FSD1: variants seen among roughly 807,000 people sequenced by gnomAD.
FSD1 encodes fibronectin type III and SPRY domain containing 1.
Under a neutral mutation model 58.2 loss-of-function variants are expected in FSD1, and 23 were observed. The observed-to-expected ratio is 0.40, with a 90% confidence interval of 0.28 to 0.56. The LOEUF (loss-of-function observed/expected upper bound fraction) is 0.56. FSD1 is among the 20% of genes least tolerant of loss of function. The probability of loss-of-function intolerance (pLI) is 0.54; values close to 1 mark genes in which losing one functional copy is unlikely to be tolerated. For missense variants in FSD1, 563 were observed against 670.8 expected (o/e 0.84, Z 1.78); for synonymous variants, 265 against 263.4 (o/e 1.01, Z -0.06).
intron 7 of FSD1, among the ~76,000 whole-genome samples, chr19:4,312,645 A>T (rs1971706772): frequency 6.6e-6 from 1 of 151,844 alleles, no homozygotes; most frequent in Non-Finnish European, 1.5e-5. Flanking sequence ...CTACTAAAAA[A>T]ATACAAAAAA....
intron 7 of FSD1, among the ~76,000 whole-genome samples, chr19:4,313,443 G>T (rs1204157473): frequency 7.3e-6 from 1 of 137,688 alleles, no homozygotes; most frequent in Non-Finnish European, 1.6e-5. Context: ...TCCTGGGCCG[G>T]GCGTGGTGGC....
intron 3 of FSD1, among the ~76,000 whole-genome samples, chr19:4,307,048 G>A (rs1390873731): frequency 1.3e-5 from 2 of 151,530 alleles, no homozygotes; most frequent in Admixed American, 1.3e-4. Context: ...GCCTAGGCAT[G>A]TGAGTTTTTG....
intron 4 of FSD1, among the ~76,000 whole-genome samples, chr19:4,309,541 G>C (rs1172482642): frequency 6.6e-6 from 1 of 152,162 alleles, no homozygotes; most frequent in African/African-American, 2.4e-5. Context: ...CAGAAGTGCA[G>C]GGACACTTTG....
chr19:4,311,749 G>A (rs984143888), intron 6 of FSD1, 93 bp from the exon 7 acceptor site: 2 of 1,155,296 alleles, frequency 1.7e-6, no homozygotes, highest in African/African-American at 1.5e-5. Context: ...CCCCAAAATT[G>A]TCCAACATGT....
At chr19:4,317,044 C>T (rs1230111616) in intron 7 of FSD1, 138 bp from the exon 8 acceptor site, 9 of 605,892 alleles carry the variant, frequency 1.5e-5, no homozygotes, top group Middle Eastern at 2.7e-4. Flanking sequence ...TGAGCCAGTG[C>T]GCCCGGCTGG....
chr19:4,304,715 C>G lies in FSD1; in HGVS notation c.-32C>G, dbSNP rs1455417025. On this transcript the variant is annotated 5_prime_UTR_variant, in exon 1 of 13. Coordinates refer to ENST00000221856, the MANE Select transcript of FSD1 (RefSeq NM_024333.3). ...GGGGACCCAGCGTGCGCGGGGCCCG[C>G]GGGCCGGGCCGGGGTGACCTGGGCT... The G allele has an allele frequency of 3.1e-6, 3 of 971,518 alleles. No homozygotes were observed. The highest frequency in any genetic ancestry group is 4.0e-5 in the African/African-American group (2 of 50,292). The allele number at this position is 971,518 out of a possible 1,614,324, so 60.2% of individuals were successfully genotyped here.
chr19:4,318,215 T>G (rs1046707218), intron 8 of FSD1, 131 bp from the exon 9 acceptor site: 1 of 1,166,296 alleles, frequency 8.6e-7, no homozygotes, highest in African/African-American at 1.5e-5. Flanking sequence ...TGTCTTGGAC[T>G]CTTATCTCCT....
At chr19:4,315,094 G>A (rs1425347223) in intron 7 of FSD1, among the ~76,000 whole-genome samples, 2 of 151,944 alleles carry the variant, frequency 1.3e-5, no homozygotes, top group Non-Finnish European at 2.9e-5. Context: ...AGATGGGAGG[G>A]TTTGGGTTAT....
chr19:4,310,726 CTG>C lies in FSD1; in HGVS notation c.490+131_490+132del. 1.1e-5 allele frequency: 12 copies of C among 1,082,166 alleles called. No homozygotes were observed. In the South Asian group the frequency reaches 1.7e-4, roughly 15 times the overall value. The allele number at this position is 1,082,166 out of a possible 1,614,324, so 67.0% of individuals were successfully genotyped here. On this transcript the variant is annotated intron_variant, in intron 6 of 12. Coordinates refer to ENST00000221856, the MANE Select transcript of FSD1 (RefSeq NM_024333.3). ...AATTCCGCCTGGGGGAGGTGGAGCT[CTG>C]AGAATTCCACGCCCTGTGGGGGGTG... is the stretch of plus-strand genomic sequence containing the variant.
In FSD1 at chr19:4,323,829, A is replaced by C; in HGVS notation, c.*186A>C. 1 of 614,282 alleles carries C rather than the reference A, an allele frequency of 1.6e-6. No homozygotes were observed. Among genetic ancestry groups the C allele is most frequent in the East Asian group, 2.7e-5 (1 of 36,390 alleles). The allele number at this position is 614,282 out of a possible 1,614,324, so 38.1% of individuals were successfully genotyped here. The stretch of plus-strand genomic sequence containing the variant: ...CACCTCACCTCTTAATAAAGGTCAG[A>C]CACTGGCCAGGCGAGGCCGCGGTGC... On this transcript the variant is annotated 3_prime_UTR_variant, in exon 13 of 13. Transcript: ENST00000221856. The surrounding 1 kb of genome is among the most constrained non-coding windows in gnomAD (Gnocchi z 7.7).
At chr19:4,312,741 C>G (rs563919720) in intron 7 of FSD1, among the ~76,000 whole-genome samples, 114 of 150,804 alleles carry the variant, frequency 7.6e-4, no homozygotes, top group Non-Finnish European at 1.0e-3. Flanking sequence ...GGAGGCGGAG[C>G]TTGCAGTGAG....
chr19:4,319,099 C>G (rs1342104763), intron 10 of FSD1, 148 bp downstream of exon 10: 2 of 658,872 alleles, frequency 3.0e-6, no homozygotes, highest in Non-Finnish European at 5.5e-6. Flanking sequence ...TGGCACTGCC[C>G]AAATGGAAAT....
At chr19:4,321,928 G>A (rs73919833) in intron 10 of FSD1, among the ~76,000 whole-genome samples, 3,946 of 151,422 alleles carry the variant, frequency 0.026, 117 homozygotes, top group African/African-American at 0.078. Context: ...AATATCTGGG[G>A]GGAATAGCTG....
intron 9 of FSD1, 87 bp downstream of exon 9, chr19:4,318,592 G>T (rs1311548928): frequency 1.6e-6 from 2 of 1,254,294 alleles, no homozygotes; most frequent in African/African-American, 1.5e-5. Flanking sequence ...CAGAGTTGGG[G>T]TGGAGAGGGG....
intron 8 of FSD1, 35 bp downstream of exon 8, chr19:4,317,315 C>A: frequency 8.1e-7 from 1 of 1,231,240 alleles, no homozygotes; most frequent in South Asian, 1.2e-5. Flanking sequence ...ACCCCTAACT[C>A]CATGGCCCCT....
intron 6 of FSD1, chr19:4,310,799 C>T: frequency 1.8e-6 from 1 of 557,324 alleles, no homozygotes; most frequent in Non-Finnish European, 3.2e-6. Flanking sequence ...TGGGAAGACC[C>T]CACCCACTGT....
chr19:4,317,150 C>A, intron 7 of FSD1, 32 bp from the exon 8 acceptor site: 1 of 1,188,040 alleles, frequency 8.4e-7, no homozygotes, highest in Non-Finnish European at 1.3e-6. Flanking sequence ...GGGAATAATA[C>A]ACAGTGTTGA....
rs958483994 is a variant in FSD1 at position 4,323,811 on chromosome 19, C to T, written c.*168C>T. On this transcript the variant is annotated 3_prime_UTR_variant, in exon 13 of 13. Coordinates refer to ENST00000221856, the MANE Select transcript of FSD1 (RefSeq NM_024333.3). The surrounding 1 kb of genome is among the most constrained non-coding windows in gnomAD (Gnocchi z 7.7). ...CCTGGCGGGCCCTCTCCCCACCTCA[C>T]CTCTTAATAAAGGTCAGACACTGGC... 5.0e-5 allele frequency: 31 copies of T among 618,434 alleles called. No homozygotes were observed. The highest frequency in any genetic ancestry group is 7.7e-5 in the Non-Finnish European group (27 of 352,422). The allele number at this position is 618,434 out of a possible 1,614,324, so 38.3% of individuals were successfully genotyped here. A position where few individuals can be genotyped will look rare whatever the true frequency, so the allele number is the denominator to read the frequency against.
At chr19:4,314,232 A>G (rs999845527) in intron 7 of FSD1, among the ~76,000 whole-genome samples, 2 of 152,196 alleles carry the variant, frequency 1.3e-5, no homozygotes, top group Non-Finnish European at 2.9e-5. Flanking sequence ...AGGAGCTGCA[A>G]ACAGCCATTG....
Sources: allele counts gnomAD v4.1 joint callset (sites outside exome capture counted in the v4.1 genomes callset), GRCh38; gene constraint gnomAD v4.1.1; non-coding constraint Gnocchi (gnomAD v3.1); transcripts MANE v1.5; gene names NCBI Gene and HGNC (gene_info 2026-07-23, HGNC 2026-07-21).